Variants in KCTD8 observed in about 807,000 individuals in gnomAD.
KCTD8 encodes the protein BTB/POZ domain-containing protein KCTD8.
A neutral mutation model predicts 31.5 loss-of-function variants in KCTD8; 27 were observed. The ratio of observed to expected loss-of-function variants is 0.86; its 90% CI spans 0.63 to 1.18. The LOEUF is 1.18. Among genes scored for constraint, KCTD8 ranks in the 50% most tolerant of loss-of-function variants. The probability of loss-of-function intolerance (pLI) is 0.00; values close to 1 mark genes in which losing one functional copy is unlikely to be tolerated. For missense variants in KCTD8, 658 were observed against 647.7 expected (o/e 1.02, Z -0.17); for synonymous variants, 290 against 280.0 (o/e 1.04, Z -0.36).
chr4:44,399,683 A>AT (rs1720597207), intron 1 of KCTD8, among the ~76,000 whole-genome samples: 1 of 152,216 alleles, frequency 6.6e-6, no homozygotes, highest in South Asian at 2.1e-4. Context: ...ATGGGAGACC[A>AT]TATTCTTTTA....
chr4:44,314,718 T>C (rs1257628452), intron 1 of KCTD8, among the ~76,000 whole-genome samples: 1 of 152,062 alleles, frequency 6.6e-6, no homozygotes, highest in Non-Finnish European at 1.5e-5. Flanking sequence ...AACTTACTTG[T>C]TTTATTTAAA....
At chr4:44,230,472 A>G (rs1397971617) in intron 1 of KCTD8, among the ~76,000 whole-genome samples, 1 of 152,224 alleles carries the variant, frequency 6.6e-6, no homozygotes, top group East Asian at 1.9e-4. Flanking sequence ...TGTGCATCAT[A>G]TAGTTATTCC....
At chr4:44,432,749 T>G (rs1721536421) in intron 1 of KCTD8, among the ~76,000 whole-genome samples, 1 of 151,760 alleles carries the variant, frequency 6.6e-6, no homozygotes, top group Non-Finnish European at 1.5e-5. Flanking sequence ...CCTCCAGTTC[T>G]GCAATTTGTT....
chr4:44,374,127 T>C (rs902480749), intron 1 of KCTD8, among the ~76,000 whole-genome samples: 1 of 152,182 alleles, frequency 6.6e-6, no homozygotes, highest in African/African-American at 2.4e-5. Context: ...AGGTTACTTA[T>C]AATTTTTTTA....
intron 1 of KCTD8, among the ~76,000 whole-genome samples, chr4:44,254,590 A>G (rs1715941177): frequency 6.7e-6 from 1 of 149,064 alleles, no homozygotes; most frequent in Non-Finnish European, 1.5e-5. Flanking sequence ...TCACTTCTGT[A>G]GCCCTCAATT....
intron 1 of KCTD8, among the ~76,000 whole-genome samples, chr4:44,279,066 T>C (rs1716826866): frequency 6.6e-6 from 1 of 152,068 alleles, no homozygotes; most frequent in Non-Finnish European, 1.5e-5. Flanking sequence ...CTTTGTGGCT[T>C]GGGATAAATT....
At chr4:44,397,819 A>G (rs1186330902) in intron 1 of KCTD8, among the ~76,000 whole-genome samples, 1 of 152,184 alleles carries the variant, frequency 6.6e-6, no homozygotes, top group African/African-American at 2.4e-5. Flanking sequence ...GCGAGAAAAC[A>G]TTACAAGAAT....
At chr4:44,180,587 G>GCACACA (rs201708007) in intron 1 of KCTD8, among the ~76,000 whole-genome samples, 66 of 139,204 alleles carry the variant, frequency 4.7e-4, no homozygotes, top group African/African-American at 1.3e-3. Context: ...ATACATACAT[G>GCACACA]CACACACACA....
chr4:44,328,385 A>G (rs1265305266), intron 1 of KCTD8, among the ~76,000 whole-genome samples: 1 of 151,918 alleles, frequency 6.6e-6, no homozygotes, highest in East Asian at 1.9e-4. Flanking sequence ...GACTACAACA[A>G]ATAGATTTGC....
intron 1 of KCTD8, among the ~76,000 whole-genome samples, chr4:44,427,579 C>A (rs1721379506): frequency 6.6e-6 from 1 of 151,426 alleles, no homozygotes; most frequent in Admixed American, 6.6e-5. Context: ...ACCAAATAAC[C>A]ATCTACAGAA....
At chr4:44,273,411 A>G (rs1310583008) in intron 1 of KCTD8, among the ~76,000 whole-genome samples, 1 of 152,008 alleles carries the variant, frequency 6.6e-6, no homozygotes, top group African/African-American at 2.4e-5. Context: ...AACAACTATG[A>G]CATTTTCAAT....
At chr4:44,219,977 A>G (rs1483073992) in intron 1 of KCTD8, among the ~76,000 whole-genome samples, 1 of 152,218 alleles carries the variant, frequency 6.6e-6, no homozygotes, top group East Asian at 1.9e-4. Context: ...TTTCTAGTAA[A>G]CAAAAACTAT....
chr4:44,260,710 G>A (rs533376094), intron 1 of KCTD8, among the ~76,000 whole-genome samples: 6 of 151,936 alleles, frequency 3.9e-5, no homozygotes, highest in Non-Finnish European at 8.8e-5. Flanking sequence ...GGTGGCTGGA[G>A]TTAAGTCAAT....
intron 1 of KCTD8, among the ~76,000 whole-genome samples, chr4:44,217,996 A>G (rs1714697916): frequency 6.6e-6 from 1 of 151,920 alleles, no homozygotes; most frequent in African/African-American, 2.4e-5. Flanking sequence ...TTAATAAACT[A>G]CTTTTCACAT....
chr4:44,408,324 C>T (rs1720854155), intron 1 of KCTD8, among the ~76,000 whole-genome samples: 1 of 152,138 alleles, frequency 6.6e-6, no homozygotes, highest in South Asian at 2.1e-4. Context: ...AAAATTATCA[C>T]TTTGACTCAA....
chr4:44,300,645 A>T (rs1253466709), intron 1 of KCTD8, among the ~76,000 whole-genome samples: 2 of 152,016 alleles, frequency 1.3e-5, no homozygotes, highest in Non-Finnish European at 2.9e-5. Context: ...AACTAGAAAA[A>T]TAAACTTATG....
intron 1 of KCTD8, among the ~76,000 whole-genome samples, chr4:44,315,823 T>C (rs1366660580): frequency 1.3e-5 from 2 of 152,154 alleles, no homozygotes; most frequent in East Asian, 1.9e-4. Context: ...CTGATGTCTT[T>C]CTGAGTGCCA....
At chr4:44,271,605 G>T (rs552151353) in intron 1 of KCTD8, among the ~76,000 whole-genome samples, 6 of 152,108 alleles carry the variant, frequency 3.9e-5, no homozygotes, top group African/African-American at 1.4e-4. Context: ...AGGAATGAGG[G>T]CAAGGAACAC....
At chr4:44,233,596 C>T (rs540974171) in intron 1 of KCTD8, among the ~76,000 whole-genome samples, 1 of 152,220 alleles carries the variant, frequency 6.6e-6, no homozygotes, top group South Asian at 2.1e-4. Context: ...AGAACCTGGC[C>T]TGCTGTCAGG....
Sources: allele counts gnomAD v4.1 joint callset (sites outside exome capture counted in the v4.1 genomes callset), GRCh38; gene constraint gnomAD v4.1.1; transcripts MANE v1.5; gene names NCBI Gene and HGNC (gene_info 2026-07-23, HGNC 2026-07-21).